SEM1: variants seen among roughly 807,000 people sequenced by gnomAD.
The protein encoded by SEM1 is 26S proteasome complex subunit SEM1.
In SEM1, 3 loss-of-function variants were observed where a neutral mutation model predicts 12.7. The observed-to-expected ratio is 0.24, with a 90% CI of 0.11 to 0.61. SEM1 has a LOEUF of 0.61. SEM1 is among the 20% of genes least tolerant of loss of function. The pLI, the probability that SEM1 is intolerant of heterozygous loss-of-function variation, is 0.88. For synonymous variants in SEM1, 30 were observed against 27.8 expected (o/e 1.08, Z -0.25); for missense variants, 59 against 81.3 (o/e 0.73, Z 1.06).
chr7:96,683,038 T>A (rs556634723), intron 2 of SEM1, among the ~76,000 whole-genome samples: 1 of 151,622 alleles, frequency 6.6e-6, no homozygotes, highest in Non-Finnish European at 1.5e-5. Context: ...ATGGCGATCA[T>A]TAAAAAGTCA....
intron 2 of SEM1, among the ~76,000 whole-genome samples, chr7:96,637,885 T>A (rs1808477403): frequency 6.6e-6 from 1 of 151,942 alleles, no homozygotes; most frequent in African/African-American, 2.4e-5. Flanking sequence ...ATTCAGAATT[T>A]TTTCACTGAC....
intron 2 of SEM1, among the ~76,000 whole-genome samples, chr7:96,639,478 G>A (rs1417087175): frequency 1.3e-5 from 2 of 152,012 alleles, no homozygotes; most frequent in African/African-American, 4.8e-5. Flanking sequence ...GCAATATAGT[G>A]GAGAAAAGAT....
chr7:96,617,668 A>G (rs150900312), downstream of SEM1, among the ~76,000 whole-genome samples: 1 of 152,188 alleles, frequency 6.6e-6, no homozygotes, highest in Non-Finnish European at 1.5e-5. Flanking sequence ...GATGTTGGGT[A>G]TGGGTTTGTC....
intron 1 of SEM1, among the ~76,000 whole-genome samples, chr7:96,488,081 A>G (rs1286091142): frequency 7.1e-6 from 1 of 140,100 alleles, no homozygotes; most frequent in Non-Finnish European, 1.5e-5. Context: ...CTAATTAACA[A>G]ATAGCAATCA....
chr7:96,679,186 T>C (rs1789532302), intron 2 of SEM1, among the ~76,000 whole-genome samples: 1 of 152,116 alleles, frequency 6.6e-6, no homozygotes, highest in African/African-American at 2.4e-5. Flanking sequence ...GTAAAAGACA[T>C]AAACACACAT....
chr7:96,679,766 G>T (rs918831728), intron 2 of SEM1, among the ~76,000 whole-genome samples: 2 of 152,042 alleles, frequency 1.3e-5, no homozygotes, highest in Non-Finnish European at 2.9e-5. Flanking sequence ...TGTTATAAAA[G>T]GTCTCTACTG....
At chr7:96,684,065 T>C (rs1789694423), downstream of SEM1, among the ~76,000 whole-genome samples, 1 of 152,084 alleles carries the variant, frequency 6.6e-6, no homozygotes, top group Non-Finnish European at 1.5e-5. Flanking sequence ...AGGCTTGTTT[T>C]ACAGGAGGCC....
At chr7:96,552,653 G>A (rs1467525943) in intron 2 of SEM1, among the ~76,000 whole-genome samples, 12 of 148,806 alleles carry the variant, frequency 8.1e-5, no homozygotes, top group Admixed American at 1.3e-4. Flanking sequence ...ATAAACATAC[G>A]TGTGCATGTG....
intron 1 of SEM1, among the ~76,000 whole-genome samples, chr7:96,494,722 G>A (rs1325785574): frequency 1.3e-5 from 2 of 151,834 alleles, no homozygotes; most frequent in East Asian, 1.9e-4. Flanking sequence ...GAGAGAAGGG[G>A]GTGGAGAGAG....
At chr7:96,627,567 C>T (rs1015885385) in intron 2 of SEM1, among the ~76,000 whole-genome samples, 2 of 151,940 alleles carry the variant, frequency 1.3e-5, no homozygotes, top group East Asian at 1.9e-4. Context: ...TCCACGTACT[C>T]GTATGGTTTC....
At chr7:96,527,195 C>A (rs1232469172) in intron 2 of SEM1, among the ~76,000 whole-genome samples, 2 of 151,970 alleles carry the variant, frequency 1.3e-5, no homozygotes, top group African/African-American at 4.8e-5. Context: ...AGGAGGATGG[C>A]GGAGGGAAAG....
chr7:96,605,694 T>G (rs1483370083), intron 2 of SEM1, among the ~76,000 whole-genome samples: 1 of 152,096 alleles, frequency 6.6e-6, no homozygotes, highest in Non-Finnish European at 1.5e-5. Context: ...TGAAATAGAG[T>G]TCCTACTGAT....
At chr7:96,658,062 C>G (rs1462235205) in intron 2 of SEM1, among the ~76,000 whole-genome samples, 1 of 152,052 alleles carries the variant, frequency 6.6e-6, no homozygotes, top group Non-Finnish European at 1.5e-5. Context: ...TAATGATTTC[C>G]AGGGAAGGAA....
intron 1 of SEM1, chr7:96,696,333 T>C (rs1013446476): frequency 2.0e-5 from 3 of 152,144 alleles, no homozygotes; most frequent in African/African-American, 7.2e-5. Context: ...TCTATAGTTC[T>C]TTCGTATTAC....
At chr7:96,550,560 A>G (rs769194794) in intron 2 of SEM1, among the ~76,000 whole-genome samples, 3 of 152,178 alleles carry the variant, frequency 2.0e-5, no homozygotes, top group Non-Finnish European at 2.9e-5. Flanking sequence ...ATGTACTGGT[A>G]TGTCAGAATC....
intron 1 of SEM1, among the ~76,000 whole-genome samples, chr7:96,704,358 CATT>C (rs961979402): frequency 6.6e-6 from 1 of 152,074 alleles, no homozygotes; most frequent in Non-Finnish European, 1.5e-5. Flanking sequence ...TTTATACTCT[CATT>C]AAGTTTAAAT....
chr7:96,585,534 G>T (rs1806591935), intron 2 of SEM1, among the ~76,000 whole-genome samples: 1 of 152,270 alleles, frequency 6.6e-6, no homozygotes, highest in Non-Finnish European at 1.5e-5. Context: ...ACCTAAGCAA[G>T]CCTGGGCAAT....
intron 2 of SEM1, among the ~76,000 whole-genome samples, chr7:96,591,343 GAACT>G (rs1806823020): frequency 6.6e-6 from 1 of 152,066 alleles, no homozygotes; most frequent in African/African-American, 2.4e-5. Context: ...TTAAAACAAC[GAACT>G]GTCAACCACC....
Position 96,604,786 on chromosome 7 carries a change from G to GC in SEM1, c.170+90011_170+90012insG, listed in dbSNP as rs756644387. ...ATACAAAAATTAGCCAGGCATGGTGGTGCATGCCTCTAATCCTAGCTACTC... is the reference window on the plus strand; with the variant it reads ...ATACAAAAATTAGCCAGGCATGGTGGCTGCATGCCTCTAATCCTAGCTACTC... On this transcript the variant is annotated intron_variant and NMD_transcript_variant, in intron 2 of 3. Coordinates refer to the SEM1 transcript ENST00000466986. 1.0e-3 allele frequency among the ~76,000 whole-genome samples: 156 copies of GC among 152,146 alleles called. No individual in the cohort carries two copies. In the Middle Eastern group the frequency reaches 0.014, roughly 13 times the overall value.
Sources: gnomAD v4.1 joint callset for allele counts (sites outside exome capture counted in the v4.1 genomes callset) on GRCh38, gnomAD v4.1.1 for gene constraint, MANE v1.5 for transcripts, NCBI Gene and HGNC (gene_info 2026-07-23, HGNC 2026-07-21) for gene names.